The following OR1A1 variants were observed in gnomAD, a reference collection of about 807,000 sequenced individuals.
OR1A1 encodes the protein olfactory receptor 1A1.
For missense variants in OR1A1, 391 were observed against 379.9 expected (o/e 1.03, Z -0.24); for synonymous variants, 145 against 147.8 (o/e 0.98, Z 0.13).
At chr17:3,209,457 T>C (rs35097901) in intron 2 of OR1A1, among the ~76,000 whole-genome samples, 37,996 of 152,036 alleles carry the variant, frequency 0.25, 5,555 homozygotes, top group East Asian at 0.57. Flanking sequence ...ACCCTGTCTC[T>C]ACAAAAATAA....
intron 3 of OR1A1, 128 bp from the exon 4 acceptor site, chr17:3,215,488 C>G: frequency 1.5e-6 from 1 of 675,398 alleles, no homozygotes; most frequent in Non-Finnish European, 2.5e-6. Context: ...CTGGATATCT[C>G]TATAATTTAA....
chr17:3,212,016 C>T (rs28652585), intron 2 of OR1A1, among the ~76,000 whole-genome samples: 37,911 of 151,918 alleles, frequency 0.25, 5,509 homozygotes, highest in East Asian at 0.57. Context: ...TTTTGAAATA[C>T]TTGTTTATAA....
Position 3,215,781 on chromosome 17 carries a change from G to T in OR1A1, c.161G>T (p.Arg54Leu). The T allele has an allele frequency of 6.2e-7, 1 of 1,613,958 alleles. No individual in the cohort carries two copies. Among genetic ancestry groups the T allele is most frequent in the South Asian group, 1.1e-5 (1 of 91,062 alleles). The part of the protein sequence containing the change: ...LIVLAICSDV[R>L]LHNPMYFLLA... ...GTCCTAGCCATTTGCTCTGATGTTCGCCTTCACAACCCCATGTATTTTCTC... is the reference window on the plus strand; with the variant it reads ...GTCCTAGCCATTTGCTCTGATGTTCTCCTTCACAACCCCATGTATTTTCTC... Residue 54 changes from arginine (R) to leucine (L), a missense_variant, in exon 4 of 4, where the codon CGC (arginine) becomes CTC (leucine). By Grantham distance (102) the Arg-to-Leu change is moderately radical (BLOSUM62 -2). Transcript: ENST00000641732.
chr17:3,209,363 C>T (rs67534303), intron 2 of OR1A1, among the ~76,000 whole-genome samples: 37,909 of 151,780 alleles, frequency 0.25, 5,515 homozygotes, highest in East Asian at 0.57. Context: ...TGGCTTATGC[C>T]GGGAATTTCA....
chr17:3,216,555 T>C lies in OR1A1; in HGVS notation c.*5T>C. On this transcript the variant is annotated 3_prime_UTR_variant, in exon 4 of 4. Coordinates refer to ENST00000641732, the MANE Select transcript of OR1A1 (RefSeq NM_014565.3). ...AACAAGAGAATCTCCTCGTAACCAA[T>C]GTGAGGGCCTACATTGGATACCGTA... is the stretch of plus-strand genomic sequence containing the variant. The C allele has an allele frequency of 6.2e-7, 1 of 1,602,754 alleles. No individual in the cohort carries two copies. Among genetic ancestry groups the C allele is most frequent in the Non-Finnish European group, 8.5e-7 (1 of 1,172,728 alleles).
At chr17:3,210,898 G>A (rs2048438341) in intron 2 of OR1A1, among the ~76,000 whole-genome samples, 1 of 152,124 alleles carries the variant, frequency 6.6e-6, no homozygotes, top group African/African-American at 2.4e-5. Context: ...GAGCCACCGT[G>A]CCTGGCCTGT....
Position 3,216,165 on chromosome 17 carries a change from C to T in OR1A1, c.545C>T (p.Thr182Ile). The T allele has an allele frequency of 6.2e-7, 1 of 1,614,170 alleles. No individual in the cohort carries two copies. The highest frequency in any genetic ancestry group is 8.5e-7 in the Non-Finnish European group (1 of 1,180,032). ...GTGGCCAACTTCTACTGTGACATTA[C>T]CCCCTTGCTGAAGTTATCCTGTTCT... ...QEVANFYCDITPLLKLSCSDI... is the reference protein window; with the variant it reads ...QEVANFYCDIIPLLKLSCSDI... The change falls in exon 4 of 4, where the codon ACC becomes ATC. Residue 182 changes from threonine to isoleucine, a missense_variant. Coordinates refer to ENST00000641732, the MANE Select transcript of OR1A1 (RefSeq NM_014565.3).
At chr17:3,210,613 T>C (rs1442570607) in intron 2 of OR1A1, among the ~76,000 whole-genome samples, 1 of 152,156 alleles carries the variant, frequency 6.6e-6, no homozygotes, top group Non-Finnish European at 1.5e-5. Flanking sequence ...TGTTGTTGTT[T>C]TTGTTTTTTT....
Position 3,215,811 on chromosome 17 carries a change from C to T in OR1A1, c.191C>T (p.Ala64Val). The change falls in exon 4 of 4, where the codon GCC (alanine) becomes GTC (valine). Residue 64 changes from alanine (A) to valine (V), a missense_variant. By Grantham distance (64) the Ala-to-Val change is moderately conservative (BLOSUM62 0). Transcript: ENST00000641732. ...CACAACCCCATGTATTTTCTCCTTG[C>T]CAACCTCTCCTTGGTTGACATCTTC... ...RLHNPMYFLL[A>V]NLSLVDIFFS... The T allele has an allele frequency of 6.2e-7, 1 of 1,614,160 alleles. No individual in the cohort carries two copies. The highest frequency in any genetic ancestry group is 8.5e-7 in the Non-Finnish European group (1 of 1,180,026).
rs1315790418 is a variant in OR1A1 at position 3,218,879 on chromosome 17, TG to T, written c.*2330del. On this transcript the variant is annotated 3_prime_UTR_variant, in exon 4 of 4. Transcript: ENST00000641732. ...CACGTGTATACCTATGTAACAAACC[TG>T]CATGTTCTGCACATGTACCCCAGAA... is the stretch of plus-strand genomic sequence containing the variant. The T allele has an allele frequency of 1.3e-5, 2 of 152,030 alleles. No homozygotes were observed. Among genetic ancestry groups the T allele is most frequent in the Non-Finnish European group, 2.9e-5 (2 of 68,020 alleles). The allele number at this position is 152,030 out of a possible 1,614,324, so 9.4% of individuals were successfully genotyped here.
At chr17:3,215,533 GT>G in intron 3 of OR1A1, 82 bp from the exon 4 acceptor site, 1 of 1,014,454 alleles carries the variant, frequency 9.9e-7, no homozygotes, top group East Asian at 2.5e-5. Context: ...AATCACTTAA[GT>G]CAGAAGTGAT....
chr17:3,216,165 C>A lies in OR1A1; in HGVS notation c.545C>A (p.Thr182Asn), dbSNP rs749803277. 2 of 1,614,052 alleles carry A rather than the reference C, an allele frequency of 1.2e-6. No homozygotes were observed. The highest frequency in any genetic ancestry group is 1.7e-6 in the Non-Finnish European group (2 of 1,180,040). ...QEVANFYCDI[T>N]PLLKLSCSDI... ...GTGGCCAACTTCTACTGTGACATTA[C>A]CCCCTTGCTGAAGTTATCCTGTTCT... The change falls in exon 4 of 4, where the codon ACC (threonine) becomes AAC (asparagine). Residue 182 changes from threonine to asparagine, a missense_variant. By Grantham distance (65) the Thr-to-Asn change is moderately conservative. Coordinates refer to ENST00000641732, the MANE Select transcript of OR1A1 (RefSeq NM_014565.3).
chr17:3,218,585 A>G lies in OR1A1; in HGVS notation c.*2035A>G, dbSNP rs2150598420. 1 of 152,346 alleles carries G rather than the reference A, an allele frequency of 6.6e-6. No homozygotes were observed. Among genetic ancestry groups the G allele is most frequent in the Middle Eastern group, 3.4e-3 (1 of 294 alleles). 9.4% of individuals were successfully genotyped at this position (152,346 alleles called of 1,614,324 possible). A position where few individuals can be genotyped will look rare whatever the true frequency, so the allele number is the denominator to read the frequency against. On this transcript the variant is annotated 3_prime_UTR_variant, in exon 4 of 4. Transcript: ENST00000641732. ...ACATATACACCATGGAATACTACGC[A>G]GTCATAAAAAAGGATGAGTTCATGT...
Position 3,215,837 on chromosome 17 carries a change from T to C in OR1A1, c.217T>C (p.Phe73Leu). The change falls in exon 4 of 4, where the codon TTC (phenylalanine) becomes CTC (leucine). Residue 73 changes from phenylalanine to leucine, a missense_variant. Coordinates refer to ENST00000641732, the MANE Select transcript of OR1A1 (RefSeq NM_014565.3). ...CAACCTCTCCTTGGTTGACATCTTCTTCTCATCGGTAACCATCCCTAAGAT... is the reference window on the plus strand; with the variant it reads ...CAACCTCTCCTTGGTTGACATCTTCCTCTCATCGGTAACCATCCCTAAGAT... ...LANLSLVDIF[F>L]SSVTIPKMLA... is the part of the protein sequence containing the mutation. 1.2e-6 allele frequency: 2 copies of C among 1,614,218 alleles called. No homozygotes were observed. Among genetic ancestry groups the C allele is most frequent in the Admixed American group, 1.7e-5 (1 of 60,020 alleles).
intron 3 of OR1A1, chr17:3,215,285 T>G: frequency 3.8e-6 from 1 of 261,188 alleles, no homozygotes; most frequent in Non-Finnish European, 7.3e-6. Flanking sequence ...CTCCATGAGG[T>G]CTAACAAAGT....
At position 3,215,898 on chromosome 17, in the gene OR1A1, C is replaced by T. The variant is rs755588751; in HGVS notation, c.278C>T (p.Ser93Phe). The part of the protein sequence containing the change: ...ANHLLGSKSI[S>F]FGGCLTQMYF... ...CATCTCTTGGGCAGCAAATCCATCT[C>T]TTTTGGGGGATGCCTAACGCAGATG... Residue 93 changes from serine (S) to phenylalanine (F), a missense_variant, in exon 4 of 4, where the codon TCT becomes TTT. Transcript: ENST00000641732. The T allele has an allele frequency of 8.1e-6, 13 of 1,614,044 alleles. No homozygotes were observed. In the South Asian group the frequency reaches 1.2e-4, roughly 15 times the overall value.
chr17:3,216,647 T>C lies in OR1A1; in HGVS notation c.*97T>C, dbSNP rs2048472130. Reference sequence around the variant, plus strand: ...TCCTCCTACGAGAGGCAGTCTCTGATCTTTCTAGCCTGAAATTCCTAATCT... The same window carrying C: ...TCCTCCTACGAGAGGCAGTCTCTGACCTTTCTAGCCTGAAATTCCTAATCT... On this transcript the variant is annotated 3_prime_UTR_variant, in exon 4 of 4. Coordinates refer to ENST00000641732, the MANE Select transcript of OR1A1 (RefSeq NM_014565.3). 7.6e-6 allele frequency: 7 copies of C among 916,028 alleles called. No homozygotes were observed. The highest frequency in any genetic ancestry group is 1.7e-5 in the African/African-American group (1 of 60,578). 56.7% of individuals were successfully genotyped at this position (916,028 alleles called of 1,614,324 possible).
chr17:3,209,159 T>C lies in OR1A1; in HGVS notation c.-139+161T>C, dbSNP rs141572167. Among the ~76,000 whole-genome samples, 464 of 152,286 alleles carry C rather than the reference T, an allele frequency of 3.0e-3. 4 individuals are homozygous for C. The highest frequency in any genetic ancestry group is 0.01 in the African/African-American group (436 of 41,568). On this transcript the variant is annotated intron_variant, in intron 2 of 3. Transcript: ENST00000641732. ...CCTAAGCAGTATACACTGCACCATA[T>C]ATGTTGTCTTTTATCCCTCGCCCCC... is the stretch of plus-strand genomic sequence containing the variant.
At chr17:3,215,565 C>T in intron 3 of OR1A1, 51 bp from the exon 4 acceptor site, 1 of 1,309,710 alleles carries the variant, frequency 7.6e-7, no homozygotes, top group Non-Finnish European at 1.1e-6. Flanking sequence ...TATCACTACA[C>T]ACAGTAACTA....
Sources: allele counts gnomAD v4.1 joint callset (sites outside exome capture counted in the v4.1 genomes callset), GRCh38; gene constraint gnomAD v4.1.1; transcripts MANE v1.5; gene names NCBI Gene and HGNC (gene_info 2026-07-23, HGNC 2026-07-21).